Variants in DCLK1 observed in about 807,000 individuals in gnomAD.
DCLK1 encodes serine/threonine-protein kinase DCLK1.
DCLK1 carries 16 observed loss-of-function variants against 86.2 expected under a neutral mutation model. That is an observed-to-expected ratio of 0.19 (90% confidence interval 0.13 to 0.28). The LOEUF (loss-of-function observed/expected upper bound fraction) is 0.28. Ranked by LOEUF, DCLK1 falls within the 10% of genes least tolerant of loss-of-function variation. DCLK1 has a pLI of 1.00. For synonymous variants in DCLK1, 369 were observed against 370.5 expected, an observed-to-expected ratio of 1.00 and a Z score of 0.05; for missense variants, 590 against 940.2, an observed-to-expected ratio of 0.63 and a Z score of 4.87.
intron 6 of DCLK1, among the ~76,000 whole-genome samples, chr13:35,845,486 AT>A (rs1870111267): frequency 6.6e-6 from 1 of 152,268 alleles, no homozygotes; most frequent in Middle Eastern, 3.4e-3. Flanking sequence ...ACACATGCAC[AT>A]TTTTTCCCCT....
intron 16 of DCLK1, among the ~76,000 whole-genome samples, chr13:35,782,931 T>C (rs2086554762): frequency 6.6e-6 from 1 of 152,266 alleles, no homozygotes; most frequent in African/African-American, 2.4e-5. Context: ...TCTGCTGCTG[T>C]AGGGCAAAGG....
chr13:36,105,074 G>A (rs548211080), intron 3 of DCLK1, among the ~76,000 whole-genome samples: 134 of 152,234 alleles, frequency 8.8e-4, no homozygotes, highest in African/African-American at 2.8e-3. Context: ...CCATCTTAAA[G>A]AAGAGGAAAT....
chr13:36,093,232 G>A (rs1236404608), intron 3 of DCLK1, among the ~76,000 whole-genome samples: 2 of 152,190 alleles, frequency 1.3e-5, no homozygotes, highest in Non-Finnish European at 2.9e-5. Context: ...TACCATATTT[G>A]CAACAGATTG....
chr13:35,958,532 CTA>C (rs1878276036), intron 3 of DCLK1, among the ~76,000 whole-genome samples: 1 of 151,872 alleles, frequency 6.6e-6, no homozygotes, highest in East Asian at 1.9e-4. Flanking sequence ...AGCAGTATAA[CTA>C]CCAATACCAC....
intron 5 of DCLK1, among the ~76,000 whole-genome samples, chr13:35,856,505 T>A (rs1593666670): frequency 6.6e-6 from 1 of 152,262 alleles, no homozygotes; most frequent in East Asian, 1.9e-4. Context: ...AGGGAAAAAA[T>A]GAGCAAATAG....
At chr13:35,959,591 A>G (rs1252190478) in intron 3 of DCLK1, among the ~76,000 whole-genome samples, 1 of 152,206 alleles carries the variant, frequency 6.6e-6, no homozygotes. Context: ...GTGTTTTATA[A>G]AAAACATTGT....
chr13:36,091,391 T>A (rs1265692078), intron 3 of DCLK1, among the ~76,000 whole-genome samples: 1 of 152,152 alleles, frequency 6.6e-6, no homozygotes, highest in Non-Finnish European at 1.5e-5. Context: ...TAATAAATTT[T>A]AAAAAATGCT....
chr13:35,901,137 T>C (rs756477013), intron 4 of DCLK1, among the ~76,000 whole-genome samples: 3 of 152,114 alleles, frequency 2.0e-5, no homozygotes, highest in Non-Finnish European at 4.4e-5. Flanking sequence ...TTCTATATTA[T>C]GATTCAAATA....
At chr13:36,120,480 A>T (rs116142937) in intron 2 of DCLK1, among the ~76,000 whole-genome samples, 3,277 of 152,286 alleles carry the variant, frequency 0.022, 103 homozygotes, top group African/African-American at 0.075. Context: ...GCTATACCAT[A>T]TAGCCTAGGT....
chr13:35,826,312 T>C lies in DCLK1; in HGVS notation c.1407+1323A>G, dbSNP rs537289082. ...GCCGAGGTGGGCGGATCACCTGAGG[T>C]TGGGAGTTCGAGACCAGCCTGACCA... On this transcript the variant is annotated intron_variant, in intron 10 of 16. Transcript: ENST00000360631. Among the ~76,000 whole-genome samples, 1,024 of 149,866 alleles carry C rather than the reference T, an allele frequency of 6.8e-3. 10 individuals carry two copies. Among genetic ancestry groups the C allele is most frequent in the African/African-American group, 0.024 (972 of 40,964 alleles).
intron 3 of DCLK1, among the ~76,000 whole-genome samples, chr13:36,002,406 T>C (rs1460029566): frequency 6.6e-6 from 1 of 152,236 alleles, no homozygotes; most frequent in African/African-American, 2.4e-5. Flanking sequence ...AAATGTACTC[T>C]AAAATAACCC....
chr13:35,846,701 C>T (rs563628634), intron 6 of DCLK1: 1 of 985,292 alleles, frequency 1.0e-6, no homozygotes, highest in South Asian at 4.7e-5. Context: ...TGCAATATTT[C>T]AATCAAAGAC....
chr13:35,935,277 T>C (rs1397401023), intron 4 of DCLK1, among the ~76,000 whole-genome samples: 4 of 151,446 alleles, frequency 2.6e-5, no homozygotes, highest in Non-Finnish European at 5.9e-5. Flanking sequence ...TGCCAAGGAG[T>C]CTGTAGGCAG....
intron 3 of DCLK1, among the ~76,000 whole-genome samples, chr13:36,005,781 A>C (rs1055606762): frequency 1.3e-5 from 2 of 152,234 alleles, no homozygotes; most frequent in African/African-American, 2.4e-5. Flanking sequence ...CCCATCAATG[A>C]TAGACTGGAC....
intron 3 of DCLK1, among the ~76,000 whole-genome samples, chr13:35,986,328 A>AAAAAT: frequency 8.0e-6 from 1 of 125,002 alleles, no homozygotes; most frequent in Non-Finnish European, 1.7e-5. Context: ...AAAAAAAAAA[A>AAAAAT]GGCCAATGAA....
chr13:35,993,354 T>C (rs912218441), intron 3 of DCLK1, among the ~76,000 whole-genome samples: 1 of 152,222 alleles, frequency 6.6e-6, no homozygotes, highest in Non-Finnish European at 1.5e-5. Context: ...TTTGTCTCTT[T>C]CATGCCTCAG....
chr13:35,909,597 ATGTGTGTGTGTGTGTGTGTGTG>A (rs57044533), intron 4 of DCLK1, among the ~76,000 whole-genome samples: 3 of 146,178 alleles, frequency 2.1e-5, no homozygotes, highest in Non-Finnish European at 3.0e-5. Flanking sequence ...CTGTGTGCAT[ATGTGTGTGTGTGTGTGTGTGTG>A]TGTGTGTGTG....
upstream of DCLK1, among the ~76,000 whole-genome samples, chr13:36,131,883 A>G (rs1342262098): frequency 3.9e-5 from 6 of 151,956 alleles, no homozygotes; most frequent in Non-Finnish European, 7.4e-5. Context: ...CGGATGACCA[A>G]CCCTCCCAAG....
intron 8 of DCLK1, among the ~76,000 whole-genome samples, chr13:35,833,856 C>T (rs953787389): frequency 9.2e-5 from 14 of 152,102 alleles, no homozygotes; most frequent in African/African-American, 4.8e-5. Context: ...CAGCAGGAGC[C>T]GAATACTAAC....
Sources: gnomAD v4.1 joint callset for allele counts (sites outside exome capture counted in the v4.1 genomes callset) on GRCh38, gnomAD v4.1.1 for gene constraint, MANE v1.5 for transcripts, NCBI Gene and HGNC (gene_info 2026-07-23, HGNC 2026-07-21) for gene names.